Variants in EYA2 observed in about 807,000 individuals in gnomAD.
EYA2 encodes the protein protein phosphatase EYA2.
EYA2 carries 31 observed loss-of-function variants against 69.2 expected under a neutral mutation model. The observed-to-expected ratio is 0.45, with a 90% CI of 0.34 to 0.60. The LOEUF (loss-of-function observed/expected upper bound fraction) is 0.60, where lower values mean the gene tolerates loss of function less well. Among genes scored for constraint, EYA2 ranks in the 20% least tolerant of loss-of-function variants. EYA2 has a pLI of 0.02. For synonymous variants in EYA2, 257 were observed against 279.4 expected (o/e 0.92, Z 0.80); for missense variants, 622 against 701.2 (o/e 0.89, Z 1.28).
chr20:47,179,840 G>A lies in EYA2; in HGVS notation c.1241G>A (p.Arg414Gln), dbSNP rs750145471. The change falls in exon 13 of 16, where the codon CGA becomes CAA. Residue 414 changes from arginine to glutamine, a missense_variant. Arg to Gln is a conservative substitution (Grantham distance 43). Around this residue, in one of 2 missense-constraint regions of EYA2, gnomAD observed 257 missense variants for 351.5 expected, o/e 0.73. Transcript: ENST00000327619. ...TPKRETWLQL[R>Q]AELEALTDLW... Reference sequence around the variant, plus strand: ...AAAAGGGAGACCTGGCTACAGCTCCGAGCTGAGCTGGAAGCTCTCACAGAC... The same window carrying A: ...AAAAGGGAGACCTGGCTACAGCTCCAAGCTGAGCTGGAAGCTCTCACAGAC... 10 of 1,613,926 alleles carry A rather than the reference G, an allele frequency of 6.2e-6. No homozygotes were observed. Among genetic ancestry groups the A allele is most frequent in the East Asian group, 4.5e-5 (2 of 44,902 alleles).
intron 1 of EYA2, among the ~76,000 whole-genome samples, chr20:46,911,229 A>T (rs1984626972): frequency 7.7e-6 from 1 of 129,880 alleles, no homozygotes; most frequent in Non-Finnish European, 1.6e-5. Flanking sequence ...GAGCTGGATA[A>T]TTTGTGTGTG....
intron 5 of EYA2, among the ~76,000 whole-genome samples, chr20:47,050,897 G>T (rs766418950): frequency 9.9e-5 from 15 of 152,234 alleles, no homozygotes; most frequent in Non-Finnish European, 1.8e-4. Context: ...GTTTTACGAG[G>T]CTCCTTGCCC....
chr20:46,902,609 C>G (rs1490052126), intron 1 of EYA2, among the ~76,000 whole-genome samples: 1 of 152,156 alleles, frequency 6.6e-6, no homozygotes, highest in Non-Finnish European at 1.5e-5. Context: ...CCCTGGAGAG[C>G]TAGATTTTAA....
chr20:47,117,291 T>C, intron 9 of EYA2: 1 of 844,126 alleles, frequency 1.2e-6, no homozygotes, highest in Non-Finnish European at 1.4e-6. Context: ...GTTACAGGCA[T>C]GAGCCACCGC....
intron 5 of EYA2, among the ~76,000 whole-genome samples, chr20:47,051,766 T>G (rs2146435682): frequency 6.6e-6 from 1 of 152,344 alleles, no homozygotes. Context: ...ATCAGTATCC[T>G]GCTTAGGACA....
At chr20:47,073,498 G>T (rs551951792) in intron 6 of EYA2, among the ~76,000 whole-genome samples, 12 of 152,110 alleles carry the variant, frequency 7.9e-5, no homozygotes, top group African/African-American at 2.6e-4. Context: ...GTGTCGTGGG[G>T]GGGGGGTGCA....
chr20:47,117,201 C>T (rs182709372), intron 9 of EYA2, among the ~76,000 whole-genome samples: 3 of 152,134 alleles, frequency 2.0e-5, no homozygotes, highest in East Asian at 1.9e-4. Context: ...TTAGTAAAGA[C>T]GGGGTTTCAC....
At chr20:47,176,213 G>T (rs1176081603) in intron 12 of EYA2, among the ~76,000 whole-genome samples, 2 of 151,550 alleles carry the variant, frequency 1.3e-5, no homozygotes, top group Non-Finnish European at 2.9e-5. Context: ...CCGAGTAGCT[G>T]GGATTACAGG....
intron 1 of EYA2, among the ~76,000 whole-genome samples, chr20:46,961,573 T>A (rs1979481780): frequency 6.6e-6 from 1 of 152,216 alleles, no homozygotes; most frequent in African/African-American, 2.4e-5. Context: ...CACTCTCATG[T>A]TCATTGCAAC....
At chr20:47,145,554 T>C (rs1251359071) in intron 10 of EYA2, among the ~76,000 whole-genome samples, 1 of 151,882 alleles carries the variant, frequency 6.6e-6, no homozygotes, top group African/African-American at 2.4e-5. Flanking sequence ...ATGGTCTGGG[T>C]TGTGTGTTAA....
At chr20:46,958,216 C>T (rs1979252361) in intron 1 of EYA2, among the ~76,000 whole-genome samples, 1 of 152,182 alleles carries the variant, frequency 6.6e-6, no homozygotes, top group Non-Finnish European at 1.5e-5. Flanking sequence ...TCTCTGCCTC[C>T]TGCCACGCTG....
At chr20:47,024,701 T>G (rs868215374) in intron 5 of EYA2, among the ~76,000 whole-genome samples, 1 of 152,316 alleles carries the variant, frequency 6.6e-6, no homozygotes, top group East Asian at 1.9e-4. Flanking sequence ...TCTTGGAAAC[T>G]CTATCCTGGG....
At chr20:46,952,996 A>G (rs986984826) in intron 1 of EYA2, among the ~76,000 whole-genome samples, 5 of 152,216 alleles carry the variant, frequency 3.3e-5, no homozygotes, top group Admixed American at 6.5e-5. Context: ...TGCACAGCTC[A>G]TAGAGTTCAA....
At chr20:47,011,855 T>A (rs764392473) in intron 4 of EYA2, among the ~76,000 whole-genome samples, 22 of 152,200 alleles carry the variant, frequency 1.4e-4, no homozygotes, top group Non-Finnish European at 2.6e-4. Flanking sequence ...AATTTAATCA[T>A]GTTTGGAGAA....
chr20:47,007,807 C>T (rs926347994), intron 4 of EYA2, among the ~76,000 whole-genome samples: 4 of 151,370 alleles, frequency 2.6e-5, no homozygotes, highest in South Asian at 4.2e-4. Flanking sequence ...TTTGTAGAGA[C>T]GGGGGGTGGG....
At chr20:47,179,070 A>G (rs1157114115) in intron 12 of EYA2, among the ~76,000 whole-genome samples, 1 of 152,068 alleles carries the variant, frequency 6.6e-6, no homozygotes, top group Non-Finnish European at 1.5e-5. Flanking sequence ...ATCATTTTTT[A>G]TGTTATTATT....
chr20:47,062,782 G>T (rs2030944991), intron 5 of EYA2, among the ~76,000 whole-genome samples: 1 of 152,064 alleles, frequency 6.6e-6, no homozygotes, highest in Non-Finnish European at 1.5e-5. Context: ...GCCAATAAAA[G>T]GAAAGAAAAA....
At chr20:46,997,393 T>C (rs1209064209) in intron 2 of EYA2, among the ~76,000 whole-genome samples, 1 of 152,172 alleles carries the variant, frequency 6.6e-6, no homozygotes, top group East Asian at 1.9e-4. Flanking sequence ...TGGCAATGAA[T>C]GAATGAGCTC....
chr20:47,035,442 T>C (rs1407260563), intron 5 of EYA2, among the ~76,000 whole-genome samples: 1 of 152,124 alleles, frequency 6.6e-6, no homozygotes. Flanking sequence ...AAGCAGACCG[T>C]ACCAAATTGA....
Sources: allele counts gnomAD v4.1 joint callset (sites outside exome capture counted in the v4.1 genomes callset), GRCh38; gene constraint gnomAD v4.1.1; regional missense constraint gnomAD v4.1.1; transcripts MANE v1.5; gene names NCBI Gene and HGNC (gene_info 2026-07-23, HGNC 2026-07-21).